Variants in CTNND2 observed in about 807,000 individuals in gnomAD.
The protein encoded by CTNND2 is catenin delta 2.
Under a neutral mutation model 144.4 loss-of-function variants are expected in CTNND2, and 22 were observed. The ratio of observed to expected loss-of-function variants is 0.15; its 90% CI spans 0.11 to 0.22. The LOEUF is 0.22. Among genes scored for constraint, CTNND2 ranks in the 10% least tolerant of loss-of-function variants. The probability of loss-of-function intolerance (pLI) is 1.00; values close to 1 mark genes in which losing one functional copy is unlikely to be tolerated. For synonymous variants in CTNND2, 751 were observed against 695.6 expected (o/e 1.08, Z -1.25); for missense variants, 1,353 against 1,618.8 (o/e 0.84, Z 2.82).
chr5:11,408,302 T>C (rs1761250327), intron 5 of CTNND2, among the ~76,000 whole-genome samples: 1 of 152,172 alleles, frequency 6.6e-6, no homozygotes, highest in Non-Finnish European at 1.5e-5. Flanking sequence ...TATGATCCTC[T>C]GAACACTTAA....
rs551689730 is a variant in CTNND2, at chr5:11,337,345, T to C, written c.1628+9027A>G. Among the ~76,000 whole-genome samples the C allele has an allele frequency of 5.1e-4, 78 of 152,316 alleles. 2 individuals are homozygous for C. The South Asian group carries it at 0.015, about 30-fold the overall frequency. On this transcript the variant is annotated intron_variant, in intron 9 of 21. Transcript: ENST00000304623. Reference sequence around the variant, plus strand: ...CTTCCAAGAGGTGCCATTTTTAATATTCACTCTCCTTTTGTGCTCTTAAAC... The same window carrying C: ...CTTCCAAGAGGTGCCATTTTTAATACTCACTCTCCTTTTGTGCTCTTAAAC...
At chr5:11,235,180 G>T (rs1741488704) in intron 10 of CTNND2, among the ~76,000 whole-genome samples, 1 of 152,046 alleles carries the variant, frequency 6.6e-6, no homozygotes, top group Non-Finnish European at 1.5e-5. Flanking sequence ...TGCTAACGAT[G>T]AAATGAAATG....
intron 7 of CTNND2, among the ~76,000 whole-genome samples, chr5:11,367,107 G>A (rs927715758): frequency 3.3e-5 from 5 of 152,222 alleles, no homozygotes; most frequent in South Asian, 2.1e-4. Flanking sequence ...TAAGCTCATA[G>A]TGTTTCCCTG....
intron 1 of CTNND2, among the ~76,000 whole-genome samples, chr5:11,838,420 C>A (rs1001724265): frequency 6.6e-6 from 1 of 152,146 alleles, no homozygotes; most frequent in African/African-American, 2.4e-5. Flanking sequence ...AAACTTCGGG[C>A]AATCTGACAA....
chr5:11,465,564 G>A (rs61757542), intron 3 of CTNND2, among the ~76,000 whole-genome samples: 2,751 of 152,200 alleles, frequency 0.018, 94 homozygotes, highest in African/African-American at 0.063. Context: ...AGACTGACTC[G>A]AATGAAGATC....
chr5:11,429,930 G>T (rs913436576), intron 3 of CTNND2, among the ~76,000 whole-genome samples: 3 of 152,052 alleles, frequency 2.0e-5, no homozygotes, highest in African/African-American at 7.2e-5. Context: ...AGCTGTAATT[G>T]CTGGAGTTAA....
intron 3 of CTNND2, among the ~76,000 whole-genome samples, chr5:11,549,931 G>A (rs368771597): frequency 1.3e-5 from 2 of 151,980 alleles, no homozygotes; most frequent in Non-Finnish European, 2.9e-5. Flanking sequence ...CTAAATAAAA[G>A]AAAGAAGGAA....
chr5:11,429,334 C>T (rs934478144), intron 3 of CTNND2, among the ~76,000 whole-genome samples: 1 of 152,148 alleles, frequency 6.6e-6, no homozygotes, highest in African/African-American at 2.4e-5. Context: ...ATGATGTGTT[C>T]CTAGTGGCTT....
At chr5:11,144,145 A>ACCATAGGGGCAG (rs1757022592) in intron 12 of CTNND2, among the ~76,000 whole-genome samples, 1 of 152,166 alleles carries the variant, frequency 6.6e-6, no homozygotes, top group Non-Finnish European at 1.5e-5. Flanking sequence ...AGGGGTTTCT[A>ACCATAGGGGCAG]TGAGCAGATC....
At chr5:11,137,473 A>T (rs1245456025) in intron 12 of CTNND2, among the ~76,000 whole-genome samples, 4 of 152,210 alleles carry the variant, frequency 2.6e-5, no homozygotes, top group Middle Eastern at 3.2e-3. Context: ...GTTATATTCA[A>T]GAACAAGGTT....
chr5:10,978,098 A>G (rs1158670692), intron 21 of CTNND2, among the ~76,000 whole-genome samples: 1 of 152,230 alleles, frequency 6.6e-6, no homozygotes, highest in African/African-American at 2.4e-5. Context: ...AGGAGCGCTC[A>G]GCAGAGGACA....
rs73043422 is a variant in CTNND2 at position 11,711,630 on chromosome 5, T to C, written c.174+20506A>G. On this transcript the variant is annotated intron_variant, in intron 2 of 21. Coordinates refer to ENST00000304623, the MANE Select transcript of CTNND2 (RefSeq NM_001332.4). ...TTGAAATTCTTACAATTCTGCGAGATAAATACTATTATTAACTTTAACAGA... is the reference window on the plus strand; with the variant it reads ...TTGAAATTCTTACAATTCTGCGAGACAAATACTATTATTAACTTTAACAGA... Among the ~76,000 whole-genome samples, 811 of 152,358 alleles carry C rather than the reference T, an allele frequency of 5.3e-3. 10 individuals carry two copies. The highest frequency in any genetic ancestry group is 0.019 in the African/African-American group (786 of 41,584).
chr5:11,034,420 C>A (rs1176960701), intron 16 of CTNND2, among the ~76,000 whole-genome samples: 1 of 152,206 alleles, frequency 6.6e-6, no homozygotes, highest in Admixed American at 6.5e-5. Flanking sequence ...AGTTACTCCA[C>A]CAAATTCCTC....
At chr5:11,214,528 G>A (rs1471709456) in intron 10 of CTNND2, among the ~76,000 whole-genome samples, 2 of 152,098 alleles carry the variant, frequency 1.3e-5, no homozygotes, top group African/African-American at 4.8e-5. Flanking sequence ...AGGGTTTTTT[G>A]TCTTTTATTT....
intron 1 of CTNND2, among the ~76,000 whole-genome samples, chr5:11,901,453 T>C (rs1737874494): frequency 6.6e-6 from 1 of 152,270 alleles, no homozygotes; most frequent in African/African-American, 2.4e-5. Flanking sequence ...AATTTCATTT[T>C]TGTCTCTGAT....
intron 3 of CTNND2, among the ~76,000 whole-genome samples, chr5:11,449,187 T>C (rs868369269): frequency 3.9e-5 from 6 of 152,316 alleles, no homozygotes; most frequent in South Asian, 4.2e-4. Context: ...ATGTTTTTCA[T>C]TGTTGTCTAA....
At chr5:11,142,607 T>TC (rs1394996267) in intron 12 of CTNND2, among the ~76,000 whole-genome samples, 1 of 149,356 alleles carries the variant, frequency 6.7e-6, no homozygotes, top group East Asian at 1.9e-4. Flanking sequence ...AAATTTAAAC[T>TC]CTTTTTTTTT....
rs1295585166 is a variant in CTNND2, at chr5:11,330,785, A to C, written c.1628+15587T>G. Among the ~76,000 whole-genome samples the C allele has an allele frequency of 9.2e-4, 12 of 13,046 alleles. No homozygotes were observed. In the East Asian group the frequency reaches 0.043, roughly 47 times the overall value. 8.6% of individuals were successfully genotyped at this position (13,046 alleles called of 152,430 possible). A position where few individuals can be genotyped will look rare whatever the true frequency, so the allele number is the denominator to read the frequency against. ...GCAACAGAGCAAAACTCTGTATCAA[A>C]AAAAAAAAAAAAAAATAGAAAGAGT... On this transcript the variant is annotated intron_variant, in intron 9 of 21. Coordinates refer to ENST00000304623, the MANE Select transcript of CTNND2 (RefSeq NM_001332.4).
At chr5:11,529,582 T>C (rs1477478070) in intron 3 of CTNND2, among the ~76,000 whole-genome samples, 1 of 152,256 alleles carries the variant, frequency 6.6e-6, no homozygotes, top group East Asian at 1.9e-4. Flanking sequence ...AAAGCTTAGT[T>C]TGGAAACTGG....
Sources: allele counts gnomAD v4.1 joint callset (sites outside exome capture counted in the v4.1 genomes callset), GRCh38; gene constraint gnomAD v4.1.1; transcripts MANE v1.5; gene names NCBI Gene and HGNC (gene_info 2026-07-23, HGNC 2026-07-21).